Variants in APC2 observed in about 807,000 individuals in gnomAD.
APC2 encodes APC regulator of Wnt signaling pathway 2.
Under a neutral mutation model 72.5 loss-of-function variants are expected in APC2, and 41 were observed. The observed-to-expected ratio is 0.57, with a 90% CI of 0.44 to 0.73. APC2 has a LOEUF of 0.73. Among genes scored for constraint, APC2 ranks in the 30% least tolerant of loss-of-function variants. APC2 has a pLI of 0.00. For missense variants in APC2, 3,729 were observed against 3,403.4 expected (o/e 1.10, Z -2.38); for synonymous variants, 1,898 against 1,612.0 (o/e 1.18, Z -4.25).
rs1197721516 is a variant in APC2 at position 1,457,045 on chromosome 19, G to A, written c.1009G>A (p.Ala337Thr). ...CGGGGGTCGCGCCGGGGCCCCAGGG[G>A]CACCGGGCGCCAAGGACGCACGCAT... ...AAGGRAGAPGAPGAKDARMRA... is the reference protein window; with the variant it reads ...AAGGRAGAPGTPGAKDARMRA... The change falls in exon 9 of 15, where the codon GCA becomes ACA. Residue 337 changes from alanine (A) to threonine (T), a missense_variant. Coordinates refer to ENST00000590469, the MANE Select transcript of APC2 (RefSeq NM_005883.3). The A allele has an allele frequency of 2.6e-6, 4 of 1,528,484 alleles. No homozygotes were observed. Among genetic ancestry groups the A allele is most frequent in the Non-Finnish European group, 3.5e-6 (4 of 1,144,710 alleles). The allele number at this position is 1,528,484 out of a possible 1,614,324, so 94.7% of individuals were successfully genotyped here.
Position 1,469,289 on chromosome 19 carries a change from C to T in APC2, c.5988C>T (p.Thr1996=). The change falls in exon 15 of 15, where the codon ACC becomes ACT. Residue 1996 remains threonine, a synonymous_variant. Coordinates refer to ENST00000590469, the MANE Select transcript of APC2 (RefSeq NM_005883.3). ...SDRSGFRRQL[T]FIKESPGLRR... The stretch of plus-strand genomic sequence containing the variant: ...GCTCGGGCTTCCGGCGACAGCTAAC[C>T]TTCATCAAGGAGTCGCCGGGCTTGC... 6 of 1,422,550 alleles carry T rather than the reference C, an allele frequency of 4.2e-6. No homozygotes were observed. The highest frequency in any genetic ancestry group is 5.5e-6 in the Non-Finnish European group (6 of 1,085,556). The allele number at this position is 1,422,550 out of a possible 1,614,324, so 88.1% of individuals were successfully genotyped here.
rs111257022 is a variant in APC2 at position 1,460,656 on chromosome 19, G to A, written c.1444-124G>A. 5 of 1,058,392 alleles carry A rather than the reference G, an allele frequency of 4.7e-6. No individual in the cohort carries two copies. The South Asian group carries it at 6.2e-5, about 13-fold the overall frequency. 65.6% of individuals were successfully genotyped at this position (1,058,392 alleles called of 1,614,324 possible). A position where few individuals can be genotyped will look rare whatever the true frequency, so the allele number is the denominator to read the frequency against. ...CCTGAGCATGGGGTAACCGTCCCCG[G>A]TAGTGGTCAGGATCAGCAGGGGTCT... On this transcript the variant is annotated intron_variant, in intron 11 of 14. Transcript: ENST00000590469.
In APC2 at chr19:1,468,464, A is replaced by G; in HGVS notation, c.5163A>G (p.Val1721=). 1 of 1,600,376 alleles carries G rather than the reference A, an allele frequency of 6.2e-7. No homozygotes were observed. The highest frequency in any genetic ancestry group is 8.5e-7 in the Non-Finnish European group (1 of 1,175,050). ...AGTCCGACTCCATCCTGTCCTTCGT[A>G]TCCGGGCTGTCAGTGGGATCCACCC... ...SSESDSILSF[V]SGLSVGSTLQ... Residue 1721 remains valine (V), a synonymous_variant, in exon 15 of 15, where the codon GTA becomes GTG. Coordinates refer to ENST00000590469, the MANE Select transcript of APC2 (RefSeq NM_005883.3).
chr19:1,462,816 A>C (rs1234836024), intron 14 of APC2, among the ~76,000 whole-genome samples: 1 of 150,126 alleles, frequency 6.7e-6, no homozygotes, highest in African/African-American at 2.5e-5. Flanking sequence ...CTAAAAATAC[A>C]AAAAATTAGC....
In APC2 at chr19:1,468,391, T is replaced by A; in HGVS notation, c.5090T>A (p.Val1697Asp). The A allele has an allele frequency of 6.3e-7, 1 of 1,583,646 alleles. No homozygotes were observed. The change falls in exon 15 of 15, where the codon GTC becomes GAC. Residue 1697 changes from valine to aspartate, a missense_variant. Physicochemically the swap from Val to Asp is radical, Grantham distance 152. Coordinates refer to ENST00000590469, the MANE Select transcript of APC2 (RefSeq NM_005883.3). ...ATCCAGGAGGGCGCCAATTCAATTGTCACGTGGCTGCACCAGGCAGCAGCT... is the reference window on the plus strand; with the variant it reads ...ATCCAGGAGGGCGCCAATTCAATTGACACGTGGCTGCACCAGGCAGCAGCT... ...RAIQEGANSIVTWLHQAAAAT... is the reference protein window; with the variant it reads ...RAIQEGANSIDTWLHQAAAAT...
rs1315880166 is a variant in APC2 at position 1,467,001 on chromosome 19, G to C, written c.3700G>C (p.Glu1234Gln). 1.2e-6 allele frequency: 2 copies of C among 1,609,770 alleles called. No individual in the cohort carries two copies. Among genetic ancestry groups the C allele is most frequent in the Non-Finnish European group, 1.7e-6 (2 of 1,178,826 alleles). ...GGCCACCCAGTTCAGCCTGCAGTGG[G>C]AGAGCTACGTGAAGCGCTTCCTGGA... ...PEATQFSLQW[E>Q]SYVKRFLDIA... Residue 1234 changes from glutamate (E) to glutamine (Q), a missense_variant, in exon 15 of 15, where the codon GAG becomes CAG. Glu to Gln is a conservative substitution (Grantham distance 29, BLOSUM62 2). Coordinates refer to ENST00000590469, the MANE Select transcript of APC2 (RefSeq NM_005883.3).
At position 1,467,358 on chromosome 19, in the gene APC2, G is replaced by T; in HGVS notation, c.4057G>T (p.Ala1353Ser). ...GGAGTGCCTGGGAGCCGCCGTGCCT[G>T]CCCGGCTGCGCAAGGTGGCCTCCGC... The part of the protein sequence containing the change: ...LRECLGAAVP[A>S]RLRKVASALV... The change falls in exon 15 of 15, where the codon GCC becomes TCC. Residue 1353 changes from alanine to serine, a missense_variant. Transcript: ENST00000590469. 1 of 1,468,892 alleles carries T rather than the reference G, an allele frequency of 6.8e-7. No homozygotes were observed. Among genetic ancestry groups the T allele is most frequent in the Non-Finnish European group, 9.0e-7 (1 of 1,114,670 alleles). The allele number at this position is 1,468,892 out of a possible 1,614,324, so 91.0% of individuals were successfully genotyped here.
At chr19:1,461,295 G>A (rs139775170) in intron 13 of APC2, 142 bp downstream of exon 13, 408 of 720,908 alleles carry the variant, frequency 5.7e-4, no homozygotes, top group Middle Eastern at 2.7e-3. Context: ...CAGACCGGCT[G>A]GGGCTCACTC....
In APC2 at chr19:1,465,782, G is replaced by C; in HGVS notation, c.2481G>C (p.Lys827Asn). ...CCCCGCCCACCCGCCGAGGCGGCAA[G>C]GAGGCAGAGAAGGACACCAGTGGGG... ...ARTPPTRRGG[K>N]EAEKDTSGEA... Residue 827 changes from lysine (K) to asparagine (N), a missense_variant, in exon 15 of 15, where the codon AAG (lysine) becomes AAC (asparagine). Lys to Asn is a moderately conservative substitution (Grantham distance 94). Coordinates refer to ENST00000590469, the MANE Select transcript of APC2 (RefSeq NM_005883.3). 1 of 1,574,578 alleles carries C rather than the reference G, an allele frequency of 6.4e-7. No individual in the cohort carries two copies. Among genetic ancestry groups the C allele is most frequent in the Non-Finnish European group, 8.6e-7 (1 of 1,161,942 alleles).
chr19:1,469,283 G>T lies in APC2; in HGVS notation c.5982G>T (p.Gln1994His). Reference sequence around the variant, plus strand: ...CCGACCGCTCGGGCTTCCGGCGACAGCTAACCTTCATCAAGGAGTCGCCGG... The same window carrying T: ...CCGACCGCTCGGGCTTCCGGCGACATCTAACCTTCATCAAGGAGTCGCCGG... ...ESSDRSGFRR[Q>H]LTFIKESPGL... Residue 1994 changes from glutamine to histidine, a missense_variant, in exon 15 of 15, where the codon CAG (glutamine) becomes CAT (histidine). Transcript: ENST00000590469. The T allele has an allele frequency of 7.0e-7, 1 of 1,424,194 alleles. No individual in the cohort carries two copies. The allele number at this position is 1,424,194 out of a possible 1,614,324, so 88.2% of individuals were successfully genotyped here.
chr19:1,466,374 G>T lies in APC2; in HGVS notation c.3073G>T (p.Ala1025Ser). The T allele has an allele frequency of 6.3e-7, 1 of 1,586,210 alleles. No homozygotes were observed. The highest frequency in any genetic ancestry group is 8.5e-7 in the Non-Finnish European group (1 of 1,170,878). The change falls in exon 15 of 15, where the codon GCC becomes TCC. Residue 1025 changes from alanine (A) to serine (S), a missense_variant. Transcript: ENST00000590469. ...CGCGGGGCCTGGAATCTCTCCAGGG[G>T]CCCGGAAGCAGGCCTGGCTGCCGGC... ...PLAGPGISPG[A>S]RKQAWLPADH...
At position 1,467,221 on chromosome 19, in the gene APC2, G is replaced by A. The variant is rs775488548; in HGVS notation, c.3920G>A (p.Gly1307Asp). The A allele has an allele frequency of 1.0e-5, 14 of 1,371,306 alleles. No individual in the cohort carries two copies. The highest frequency in any genetic ancestry group is 1.3e-5 in the Non-Finnish European group (14 of 1,066,932). 84.9% of individuals were successfully genotyped at this position (1,371,306 alleles called of 1,614,324 possible). ...LPSACPERGG[G>D]AGGAGLHFAG... ...TCGGCCTGCCCCGAGCGCGGCGGGG[G>A]CGCCGGGGGCGCCGGCCTCCACTTT... The change falls in exon 15 of 15, where the codon GGC (glycine) becomes GAC (aspartate). Residue 1307 changes from glycine to aspartate, a missense_variant. Coordinates refer to ENST00000590469, the MANE Select transcript of APC2 (RefSeq NM_005883.3).
In APC2 at chr19:1,466,650, C is replaced by T; in HGVS notation, c.3349C>T (p.Pro1117Ser). 3 of 1,494,228 alleles carry T rather than the reference C, an allele frequency of 2.0e-6. No homozygotes were observed. Among genetic ancestry groups the T allele is most frequent in the Non-Finnish European group, 2.7e-6 (3 of 1,122,892 alleles). The allele number at this position is 1,494,228 out of a possible 1,614,324, so 92.6% of individuals were successfully genotyped here. ...EAELDSTWRA[P>S]GATSLPVAIP... is the part of the protein sequence containing the mutation. ...TGAGCTGGACAGCACGTGGCGGGCG[C>T]CCGGGGCCACCTCGCTGCCCGTAGC... The change falls in exon 15 of 15, where the codon CCC becomes TCC. Residue 1117 changes from proline to serine, a missense_variant. Transcript: ENST00000590469.
At chr19:1,457,394 A>C in intron 9 of APC2, 151 bp downstream of exon 9, 1 of 1,196,528 alleles carries the variant, frequency 8.4e-7, no homozygotes, top group Non-Finnish European at 1.1e-6. Context: ...CTGTGGGGGC[A>C]TTTGACGTTG....
rs1380741919 is a variant in APC2 at position 1,469,734 on chromosome 19, A to T, written c.6433A>T (p.Thr2145Ser). Residue 2145 changes from threonine (T) to serine (S), a missense_variant, in exon 15 of 15, where the codon ACC (threonine) becomes TCC (serine). Coordinates refer to ENST00000590469, the MANE Select transcript of APC2 (RefSeq NM_005883.3). ...CCCCAGGGTGGCCGCGCCGGGCACG[A>T]CCTGGCGGCGCATCCGAGATGAGGA... Reference protein sequence around the residue: ...PLPRVAAPGTTWRRIRDEDVP... With the variant: ...PLPRVAAPGTSWRRIRDEDVP... The T allele has an allele frequency of 2.0e-6, 3 of 1,479,244 alleles. No homozygotes were observed. The highest frequency in any genetic ancestry group is 1.5e-5 in the African/African-American group (1 of 67,610). The allele number at this position is 1,479,244 out of a possible 1,614,324, so 91.6% of individuals were successfully genotyped here.
chr19:1,448,135 C>A (rs2083703031), upstream of APC2, among the ~76,000 whole-genome samples: 1 of 152,146 alleles, frequency 6.6e-6, no homozygotes, highest in African/African-American at 2.4e-5. Flanking sequence ...CAGCCTCGCC[C>A]AGCTCTGCCC....
intron 13 of APC2, 33 bp from the exon 14 acceptor site, chr19:1,461,930 C>T: frequency 6.4e-7 from 1 of 1,568,746 alleles, no homozygotes; most frequent in South Asian, 1.1e-5. Context: ...GCCACTCAGG[C>T]CCTGACCCGC....
Position 1,467,185 on chromosome 19 carries a change from G to A in APC2, c.3884G>A (p.Arg1295Gln), listed in dbSNP as rs765575360. The A allele has an allele frequency of 4.0e-6, 6 of 1,516,578 alleles. No individual in the cohort carries two copies. In the South Asian group the frequency reaches 7.6e-5, roughly 19 times the overall value. 93.9% of individuals were successfully genotyped at this position (1,516,578 alleles called of 1,614,324 possible). Residue 1295 changes from arginine to glutamine, a missense_variant, in exon 15 of 15, where the codon CGG becomes CAG. Physicochemically the swap from Arg to Gln is conservative, Grantham distance 43. Coordinates refer to ENST00000590469, the MANE Select transcript of APC2 (RefSeq NM_005883.3). ...TACGTGCAGCAGGACGTGGAGCTGC[G>A]GCTGCTGCCCTCGGCCTGCCCCGAG... ...EHYVQQDVELRLLPSACPERG... is the reference protein window; with the variant it reads ...EHYVQQDVELQLLPSACPERG...
At position 1,469,580 on chromosome 19, in the gene APC2, G is replaced by A. The variant is rs1450284278; in HGVS notation, c.6279G>A (p.Pro2093=). 1.4e-5 allele frequency: 17 copies of A among 1,256,856 alleles called. No homozygotes were observed. The highest frequency in any genetic ancestry group is 1.7e-5 in the Non-Finnish European group (17 of 987,950). The allele number at this position is 1,256,856 out of a possible 1,614,324, so 77.9% of individuals were successfully genotyped here. The change falls in exon 15 of 15, where the codon CCG becomes CCA. Residue 2093 remains proline (P), a synonymous_variant. Transcript: ENST00000590469. ...RLPVRAPAAR[P]ETVKRYASLP... ...CTGTGCGCGCGCCCGCCGCCCGGCC[G>A]GAGACTGTCAAGCGCTACGCGTCGC...
Sources: gnomAD v4.1 joint callset for allele counts (sites outside exome capture counted in the v4.1 genomes callset) on GRCh38, gnomAD v4.1.1 for gene constraint, MANE v1.5 for transcripts, NCBI Gene and HGNC (gene_info 2026-07-23, HGNC 2026-07-21) for gene names.